ASXL2: variants seen among roughly 807,000 people sequenced by gnomAD.
The protein encoded by ASXL2 is ASXL transcriptional regulator 2, also known as putative Polycomb group protein ASXL2.
Under a neutral mutation model 122.0 loss-of-function variants are expected in ASXL2, and 23 were observed. The observed-to-expected ratio is 0.19, with a 90% confidence interval of 0.14 to 0.27. ASXL2 has a LOEUF of 0.27. Ranked by LOEUF, ASXL2 falls within the 10% of genes least tolerant of loss-of-function variation. The pLI is 1.00. For missense variants in ASXL2, 1,518 were observed against 1,713.8 expected (o/e 0.89, Z 2.02); for synonymous variants, 650 against 637.0 (o/e 1.02, Z -0.31).
At chr2:25,858,197 T>C (rs2089802891) in intron 1 of ASXL2, among the ~76,000 whole-genome samples, 1 of 152,168 alleles carries the variant, frequency 6.6e-6, no homozygotes, top group African/African-American at 2.4e-5. Context: ...CTCCCTCCAT[T>C]AGCTTACAGA....
intron 1 of ASXL2, among the ~76,000 whole-genome samples, chr2:25,846,075 G>T (rs539362964): frequency 6.6e-6 from 1 of 152,296 alleles, no homozygotes; most frequent in South Asian, 2.1e-4. Flanking sequence ...GTTTCCCTCT[G>T]GTAGCTCCCC....
chr2:25,786,571 G>A (rs899617391), intron 5 of ASXL2, among the ~76,000 whole-genome samples: 3 of 151,900 alleles, frequency 2.0e-5, no homozygotes, highest in Admixed American at 6.6e-5. Flanking sequence ...AATATTAAAA[G>A]GCTGGGTATT....
At position 25,766,481 on chromosome 2, in the gene ASXL2, T is replaced by C. The variant is rs77261419; in HGVS notation, c.775+1102A>G. ...TGAACCTCTTTTTAACTTTGACAGA[T>C]TTTTCTAAGAAATTTCTTCAACTTT... On this transcript the variant is annotated intron_variant, in intron 8 of 12. Transcript: ENST00000435504. 3.6e-3 allele frequency among the ~76,000 whole-genome samples: 550 copies of C among 152,344 alleles called. 2 individuals are homozygous for C. The highest frequency in any genetic ancestry group is 6.2e-3 in the Non-Finnish European group (422 of 68,028).
intron 3 of ASXL2, among the ~76,000 whole-genome samples, chr2:25,807,495 A>G (rs2089100571): frequency 6.6e-6 from 1 of 152,226 alleles, no homozygotes; most frequent in South Asian, 2.1e-4. Flanking sequence ...GTTGATTTCC[A>G]TAGCTACGTT....
chr2:25,878,367 A>C lies in ASXL2; in HGVS notation c.-145T>G. ...GACCGGGGGGGCACCCAAGCAGAGG[A>C]AGCGGCGGGGGTGGTGCGCGGGGGG... On this transcript the variant is annotated 5_prime_UTR_variant, in exon 1 of 13. Transcript: ENST00000435504. 1.5e-6 allele frequency: 1 copy of C among 680,248 alleles called. No homozygotes were observed. Among genetic ancestry groups the C allele is most frequent in the Admixed American group, 2.8e-5 (1 of 35,898 alleles). The allele number at this position is 680,248 out of a possible 1,614,324, so 42.1% of individuals were successfully genotyped here.
intron 9 of ASXL2, among the ~76,000 whole-genome samples, chr2:25,757,860 A>C (rs1449368239): frequency 6.6e-6 from 1 of 151,336 alleles, no homozygotes; most frequent in African/African-American, 2.4e-5. Context: ...AGAATTCCAT[A>C]AACAGGCCCT....
At position 25,875,501 on chromosome 2, in the gene ASXL2, AATG is replaced by A. The variant is rs1470102655; in HGVS notation, c.57+2662_57+2664del. On this transcript the variant is annotated intron_variant, in intron 1 of 12. Transcript: ENST00000435504. Reference sequence around the variant, plus strand: ...AATAAATAAATACAATTATAATAATAATGATAATAATTATGAATCTTATTATTT... The same window carrying A: ...AATAAATAAATACAATTATAATAATAATAATAATTATGAATCTTATTATTT... 7.2e-5 allele frequency among the ~76,000 whole-genome samples: 11 copies of A among 151,876 alleles called. No homozygotes were observed. In the South Asian group the frequency reaches 2.3e-3, roughly 32 times the overall value.
intron 5 of ASXL2, among the ~76,000 whole-genome samples, chr2:25,779,474 G>C (rs1449608676): frequency 6.6e-6 from 1 of 151,864 alleles, no homozygotes. Context: ...TTATTGATTT[G>C]CTTAGTACTA....
rs568134997 is a variant in ASXL2, at chr2:25,865,724, G to A, written c.57+12442C>T. On this transcript the variant is annotated intron_variant, in intron 1 of 12. Coordinates refer to ENST00000435504, the MANE Select transcript of ASXL2 (RefSeq NM_018263.6). ...CAGGATGCAGAGCTTGCAGTGAGCC[G>A]AGATCGCGCCACTGGACTCCAGCCT... Among the ~76,000 whole-genome samples the A allele has an allele frequency of 1.5e-3, 206 of 134,008 alleles. 2 individuals are homozygous for A. The highest frequency in any genetic ancestry group is 2.4e-3 in the Non-Finnish European group (159 of 65,476). The allele number at this position is 134,008 out of a possible 152,430, so 87.9% of individuals were successfully genotyped here. A position where few individuals can be genotyped will look rare whatever the true frequency, so the allele number is the denominator to read the frequency against.
Position 25,740,107 on chromosome 2 carries a change from A to G in ASXL2, c.*1922T>C, listed in dbSNP as rs557995306. 1 of 225,966 alleles carries G rather than the reference A, an allele frequency of 4.4e-6. No individual in the cohort carries two copies. Among genetic ancestry groups the G allele is most frequent in the Non-Finnish European group, 8.8e-6 (1 of 113,566 alleles). 14.0% of individuals were successfully genotyped at this position (225,966 alleles called of 1,614,324 possible). A position where few individuals can be genotyped will look rare whatever the true frequency, so the allele number is the denominator to read the frequency against. On this transcript the variant is annotated 3_prime_UTR_variant, in exon 13 of 13. Coordinates refer to ENST00000435504, the MANE Select transcript of ASXL2 (RefSeq NM_018263.6). ...CTGTGTGTGCTGGAAGAAAGGAGAA[A>G]GATGGACAGACATATCGTTCTGGCT...
chr2:25,837,307 T>C, intron 2 of ASXL2, among the ~76,000 whole-genome samples: 1 of 152,228 alleles, frequency 6.6e-6, no homozygotes, highest in East Asian at 1.9e-4. Context: ...TCAGGGCGTG[T>C]ATTCTGTCAA....
At chr2:25,786,353 G>A (rs2088746385) in intron 5 of ASXL2, among the ~76,000 whole-genome samples, 1 of 147,866 alleles carries the variant, frequency 6.8e-6, no homozygotes, top group Non-Finnish European at 1.5e-5. Context: ...TGATTCTCCT[G>A]CCTCAGCCTC....
intron 1 of ASXL2, among the ~76,000 whole-genome samples, chr2:25,865,984 T>C (rs889959386): frequency 3.3e-5 from 5 of 152,124 alleles, no homozygotes; most frequent in African/African-American, 1.2e-4. Flanking sequence ...TGCACCATGA[T>C]GACAGCTGTG....
At chr2:25,790,226 A>G (rs1189105501) in intron 5 of ASXL2, among the ~76,000 whole-genome samples, 5 of 147,968 alleles carry the variant, frequency 3.4e-5, no homozygotes, top group Non-Finnish European at 1.5e-5. Context: ...TGAGTCCACA[A>G]TGGACTAGAG....
At chr2:25,858,560 T>C (rs921334916) in intron 1 of ASXL2, among the ~76,000 whole-genome samples, 1 of 151,496 alleles carries the variant, frequency 6.6e-6, no homozygotes, top group Non-Finnish European at 1.5e-5. Flanking sequence ...CCATCTCTAC[T>C]AAAAATACAA....
intron 1 of ASXL2, among the ~76,000 whole-genome samples, chr2:25,848,940 G>A (rs1203849616): frequency 1.3e-5 from 2 of 150,560 alleles, no homozygotes; most frequent in South Asian, 2.1e-4. Context: ...CGGCTACTAC[G>A]GAGGCTGAGG....
chr2:25,815,355 C>T (rs1228354081), intron 3 of ASXL2, among the ~76,000 whole-genome samples: 1 of 152,042 alleles, frequency 6.6e-6, no homozygotes, highest in Non-Finnish European at 1.5e-5. Flanking sequence ...CTTCTGACTA[C>T]TTGGCCCAAC....
chr2:25,820,223 A>C (rs778410907), intron 3 of ASXL2, among the ~76,000 whole-genome samples: 1 of 152,178 alleles, frequency 6.6e-6, no homozygotes, highest in Non-Finnish European at 1.5e-5. Context: ...CCTACTCTGA[A>C]GTATTTAAAA....
At position 25,841,519 on chromosome 2, in the gene ASXL2, A is replaced by C. The variant is rs146314444; in HGVS notation, c.140+3962T>G. On this transcript the variant is annotated intron_variant, in intron 2 of 12. Transcript: ENST00000435504. ...AAATTGTATGTTTTTTTACCACCAC[A>C]AACATATATAATTTCAAACCTTAGT... 2.4e-3 allele frequency among the ~76,000 whole-genome samples: 363 copies of C among 152,156 alleles called. 2 individuals carry two copies. The highest frequency in any genetic ancestry group is 8.3e-3 in the African/African-American group (346 of 41,502).
Sources: gnomAD v4.1 joint callset for allele counts (sites outside exome capture counted in the v4.1 genomes callset) on GRCh38, gnomAD v4.1.1 for gene constraint, MANE v1.5 for transcripts, NCBI Gene and HGNC (gene_info 2026-07-23, HGNC 2026-07-21) for gene names.